Variants in KLF13 observed in about 807,000 individuals in gnomAD.
KLF13 encodes the protein Krueppel-like factor 13.
Under a neutral mutation model 16.7 loss-of-function variants are expected in KLF13, and 8 were observed. That is an observed-to-expected ratio of 0.48 (90% CI 0.28 to 0.87). The LOEUF (loss-of-function observed/expected upper bound fraction) is 0.87, where lower values mean the gene tolerates loss of function less well. Ranked by LOEUF, KLF13 falls within the 40% of genes least tolerant of loss-of-function variation. The pLI is 0.10. For synonymous variants in KLF13, 245 were observed against 208.4 expected (o/e 1.18, Z -1.51); for missense variants, 447 against 452.2 (o/e 0.99, Z 0.10).
At chr15:31,337,824 G>A (rs1182084278) in intron 1 of KLF13, among the ~76,000 whole-genome samples, 1 of 152,236 alleles carries the variant, frequency 6.6e-6, no homozygotes, top group Non-Finnish European at 1.5e-5. Context: ...ACTGTACTTT[G>A]CTGCTTGGCC....
intron 1 of KLF13, among the ~76,000 whole-genome samples, chr15:31,423,129 ATACGT>A (rs1566848225): frequency 3.6e-5 from 4 of 110,972 alleles, no homozygotes; most frequent in African/African-American, 9.2e-5. Context: ...ATACGTATAT[ATACGT>A]ATACGTATAC....
intron 1 of KLF13, among the ~76,000 whole-genome samples, chr15:31,329,086 C>G (rs193139987): frequency 5.3e-4 from 81 of 152,190 alleles, no homozygotes; most frequent in African/African-American, 1.8e-3. Context: ...AGATCTCGGA[C>G]TAACTTTCCC....
At chr15:31,411,260 CT>C (rs1049419476) in intron 1 of KLF13, among the ~76,000 whole-genome samples, 66 of 151,836 alleles carry the variant, frequency 4.3e-4, no homozygotes, top group African/African-American at 7.3e-5. Flanking sequence ...ATATATAAAT[CT>C]TTTTTTTCTG....
chr15:31,358,025 A>C (rs774250868), intron 1 of KLF13, among the ~76,000 whole-genome samples: 18 of 152,160 alleles, frequency 1.2e-4, no homozygotes, highest in Non-Finnish European at 2.1e-4. Context: ...AGCTTTATCC[A>C]GAGTTCCTGT....
chr15:31,392,351 C>G (rs948475486), upstream of KLF13, among the ~76,000 whole-genome samples: 1 of 152,216 alleles, frequency 6.6e-6, no homozygotes, highest in South Asian at 2.1e-4. Flanking sequence ...TAGACGCCAC[C>G]TCTTTGGCCG....
intron 1 of KLF13, among the ~76,000 whole-genome samples, chr15:31,332,605 C>T (rs781508959): frequency 6.6e-6 from 1 of 152,206 alleles, no homozygotes; most frequent in African/African-American, 2.4e-5. Flanking sequence ...TGGGGCTTCA[C>T]ATGTCTGGAA....
chr15:31,337,819 A>G (rs11853926), intron 1 of KLF13, among the ~76,000 whole-genome samples: 62,441 of 152,174 alleles, frequency 0.41, 13,416 homozygotes, highest in East Asian at 0.55. Flanking sequence ...GCATGACTGT[A>G]CTTTGCTGCT....
At chr15:31,369,174 C>T (rs1264534021) in intron 1 of KLF13, among the ~76,000 whole-genome samples, 1 of 152,198 alleles carries the variant, frequency 6.6e-6, no homozygotes, top group East Asian at 1.9e-4. Flanking sequence ...TAGATACGTT[C>T]TTTGCACACT....
chr15:31,417,260 C>T (rs528466392), intron 1 of KLF13, among the ~76,000 whole-genome samples: 6 of 152,002 alleles, frequency 3.9e-5, no homozygotes, highest in Admixed American at 2.0e-4. Context: ...TTTGGGAGGC[C>T]GAGATGGGAG....
chr15:31,414,310 G>A (rs1050800699), intron 1 of KLF13, among the ~76,000 whole-genome samples: 1 of 151,834 alleles, frequency 6.6e-6, no homozygotes, highest in South Asian at 2.1e-4. Context: ...AGCAATGGAA[G>A]AACAGAAAAA....
chr15:31,426,218 A>G (rs1402426557), intron 1 of KLF13, among the ~76,000 whole-genome samples: 1 of 152,216 alleles, frequency 6.6e-6, no homozygotes, highest in African/African-American at 2.4e-5. Context: ...TGAGCCCTTC[A>G]AACTGTTCCA....
At chr15:31,424,875 T>TCACGCACA (rs2040382652) in intron 1 of KLF13, among the ~76,000 whole-genome samples, 1 of 146,198 alleles carries the variant, frequency 6.8e-6, no homozygotes, top group African/African-American at 2.6e-5. Flanking sequence ...TCTAGAGATT[T>TCACGCACA]CACACACACA....
At chr15:31,361,894 A>C in intron 1 of KLF13, among the ~76,000 whole-genome samples, 1 of 139,968 alleles carries the variant, frequency 7.1e-6, no homozygotes, top group Non-Finnish European at 1.5e-5. Flanking sequence ...CCTACCCACC[A>C]CGTGCTCTGC....
At chr15:31,349,171 C>T (rs948257360) in intron 1 of KLF13, among the ~76,000 whole-genome samples, 6 of 152,186 alleles carry the variant, frequency 3.9e-5, no homozygotes, top group South Asian at 4.1e-4. Context: ...CAGGCCTACT[C>T]CCCCAACTCA....
At chr15:31,428,265 T>C (rs906469097) in intron 1 of KLF13, among the ~76,000 whole-genome samples, 4 of 152,164 alleles carry the variant, frequency 2.6e-5, no homozygotes, top group African/African-American at 9.7e-5. Flanking sequence ...TTGCAAGATT[T>C]TTCTTACCAC....
chr15:31,343,437 G>A (rs1452855484), intron 1 of KLF13, among the ~76,000 whole-genome samples: 4 of 152,174 alleles, frequency 2.6e-5, no homozygotes, highest in East Asian at 3.9e-4. Context: ...ACCAGGTGTC[G>A]GCCCCCAGCA....
At chr15:31,413,190 A>C (rs1380990515) in intron 1 of KLF13, among the ~76,000 whole-genome samples, 2 of 148,958 alleles carry the variant, frequency 1.3e-5, no homozygotes, top group Non-Finnish European at 3.0e-5. Context: ...GAATAGACAA[A>C]AAAAAAAAAA....
downstream of KLF13, among the ~76,000 whole-genome samples, chr15:31,405,398 C>T (rs542457650): frequency 1.6e-4 from 24 of 152,348 alleles, no homozygotes; most frequent in African/African-American, 3.6e-4. Flanking sequence ...AAGAAGACTG[C>T]GGTCTACGAA....
At position 31,372,326 on chromosome 15, in the gene KLF13, C is replaced by G. The variant is rs753239751; in HGVS notation, c.*27C>G. 6.9e-7 allele frequency: 1 copy of G among 1,440,302 alleles called. No individual in the cohort carries two copies. The highest frequency in any genetic ancestry group is 1.4e-5 in the African/African-American group (1 of 69,462). The allele number at this position is 1,440,302 out of a possible 1,614,324, so 89.2% of individuals were successfully genotyped here. A position where few individuals can be genotyped will look rare whatever the true frequency, so the allele number is the denominator to read the frequency against. ...CCCGCCACAGCCATGAGCAGCCGCT[C>G]CCACCCCCTCGTGAGTCCCTGGCCT... On this transcript the variant is annotated 3_prime_UTR_variant, in exon 2 of 2. Transcript: ENST00000307145.
Sources: allele counts gnomAD v4.1 joint callset (sites outside exome capture counted in the v4.1 genomes callset), GRCh38; gene constraint gnomAD v4.1.1; transcripts MANE v1.5; gene names NCBI Gene and HGNC (gene_info 2026-07-23, HGNC 2026-07-21).